PCM1: variants seen among roughly 807,000 people sequenced by gnomAD.
PCM1 encodes the protein pericentriolar material 1 protein.
Under a neutral mutation model 241.9 loss-of-function variants are expected in PCM1, and 157 were observed. That is an observed-to-expected ratio of 0.65 (90% CI 0.57 to 0.74). PCM1 has a LOEUF of 0.74. Ranked by LOEUF, PCM1 falls within the 30% of genes least tolerant of loss-of-function variation. PCM1 has a pLI of 0.00. For missense variants in PCM1, 3,478 were observed against 2,360.1 expected (o/e 1.47, Z -9.81); for synonymous variants, 1,085 against 784.9 (o/e 1.38, Z -6.39).
At chr8:18,013,148 C>T (rs1042058402) in intron 34 of PCM1, among the ~76,000 whole-genome samples, 14 of 152,182 alleles carry the variant, frequency 9.2e-5, no homozygotes, top group African/African-American at 3.4e-4. Context: ...TAGGGTCCTT[C>T]ACTGTCGTCC....
intron 6 of PCM1, among the ~76,000 whole-genome samples, chr8:17,943,577 T>G (rs2062860436): frequency 6.6e-6 from 1 of 152,194 alleles, no homozygotes; most frequent in African/African-American, 2.4e-5. Context: ...TGTTTTTAGG[T>G]TTCTTTGAAT....
At position 17,935,489 on chromosome 8, in the gene PCM1, T is replaced by C. The variant is rs533330275; in HGVS notation, c.-22-100T>C. On this transcript the variant is annotated intron_variant, in intron 2 of 38. Transcript: ENST00000325083. ...AGTGCCTCATTTTAGTTCATAAAAA[T>C]CAGTGCTTCAAAGATTGTATTGCTA... The C allele has an allele frequency of 3.5e-4, 212 of 597,450 alleles. 2 individuals are homozygous for C. The South Asian group carries it at 4.4e-3, about 13-fold the overall frequency. The allele number at this position is 597,450 out of a possible 1,614,324, so 37.0% of individuals were successfully genotyped here.
chr8:17,959,716 C>T (rs1487583882), intron 13 of PCM1, among the ~76,000 whole-genome samples: 1 of 151,290 alleles, frequency 6.6e-6, no homozygotes, highest in Non-Finnish European at 1.5e-5. Flanking sequence ...TTCTCCACAC[C>T]CTTGATTGTG....
At chr8:17,998,876 C>G (rs1255093995) in intron 29 of PCM1, among the ~76,000 whole-genome samples, 1 of 152,176 alleles carries the variant, frequency 6.6e-6, no homozygotes, top group Non-Finnish European at 1.5e-5. Context: ...AACCACAAGA[C>G]AAAGTCCTTC....
chr8:17,933,612 G>A (rs769394237), intron 2 of PCM1, among the ~76,000 whole-genome samples: 1 of 151,932 alleles, frequency 6.6e-6, no homozygotes. Context: ...GTTTAATAGT[G>A]CTTCTTGACA....
chr8:18,011,502 C>T (rs941195278), intron 33 of PCM1, 136 bp downstream of exon 33: 1 of 1,049,158 alleles, frequency 9.5e-7, no homozygotes, highest in Non-Finnish European at 1.3e-6. Flanking sequence ...GTGACCCTGA[C>T]TAAATTATCT....
At chr8:17,999,165 A>G (rs1289346568) in intron 29 of PCM1, among the ~76,000 whole-genome samples, 3 of 151,996 alleles carry the variant, frequency 2.0e-5, no homozygotes, top group Non-Finnish European at 4.4e-5. Context: ...TCTGGTACTT[A>G]AGGTGCAAGA....
At chr8:18,011,212 A>G in intron 32 of PCM1, 25 bp from the exon 33 acceptor site, 1 of 1,551,404 alleles carries the variant, frequency 6.4e-7, no homozygotes, top group East Asian at 2.3e-5. Context: ...TAAGGAATTA[A>G]TTACTCAAAT....
chr8:17,951,990 A>G (rs768905811), intron 8 of PCM1, among the ~76,000 whole-genome samples: 4 of 152,142 alleles, frequency 2.6e-5, no homozygotes, highest in East Asian at 1.9e-4. Flanking sequence ...TGGGAGGCCG[A>G]GGCGGGTGGA....
chr8:18,022,114 G>A lies in PCM1; in HGVS notation c.5842-3247G>A, dbSNP rs533796873. Among the ~76,000 whole-genome samples the A allele has an allele frequency of 3.9e-5, 6 of 152,190 alleles. No homozygotes were observed. In the East Asian group the frequency reaches 1.2e-3, roughly 29 times the overall value. On this transcript the variant is annotated intron_variant, in intron 36 of 38. Coordinates refer to ENST00000325083, the MANE Select transcript of PCM1 (RefSeq NM_006197.4). Reference sequence around the variant, plus strand: ...CTACTCACAATGCAGCAAAACTTCAGGGTTTTCAGCCTTGGGTCCATCTAT... The same window carrying A: ...CTACTCACAATGCAGCAAAACTTCAAGGTTTTCAGCCTTGGGTCCATCTAT...
intron 31 of PCM1, 99 bp downstream of exon 31, chr8:18,009,843 A>G: frequency 1.5e-6 from 1 of 680,292 alleles, no homozygotes; most frequent in Non-Finnish European, 2.2e-6. Context: ...CAGCAAAAGT[A>G]GTTGTTTTTA....
chr8:17,957,196 C>G (rs866205009), intron 11 of PCM1, 68 bp from the exon 12 acceptor site: 13 of 1,322,844 alleles, frequency 9.8e-6, no homozygotes, highest in Middle Eastern at 4.3e-4. Context: ...ATTAGCAGTT[C>G]TAAACTTGGA....
chr8:18,026,207 A>G (rs2094195259), intron 38 of PCM1, among the ~76,000 whole-genome samples: 1 of 145,116 alleles, frequency 6.9e-6, no homozygotes, highest in Admixed American at 6.9e-5. Context: ...AAAAATGTAG[A>G]CATGCCCATG....
intron 13 of PCM1, 128 bp from the exon 14 acceptor site, chr8:17,959,886 C>A: frequency 1.2e-6 from 1 of 808,548 alleles, no homozygotes; most frequent in Non-Finnish European, 1.9e-6. Context: ...CACATGTATA[C>A]AAACGTGCTT....
chr8:17,983,621 A>G (rs2081666762), intron 24 of PCM1, among the ~76,000 whole-genome samples: 1 of 152,152 alleles, frequency 6.6e-6, no homozygotes, highest in African/African-American at 2.4e-5. Context: ...ACCTAGAAAT[A>G]TAGTTACTTT....
chr8:18,026,097 G>C (rs1443633240), intron 38 of PCM1, among the ~76,000 whole-genome samples: 3 of 141,698 alleles, frequency 2.1e-5, no homozygotes, highest in African/African-American at 7.8e-5. Context: ...CCAGGAGGTG[G>C]GGCTTGCGGT....
chr8:17,960,447 A>G lies in PCM1; in HGVS notation c.2322+3A>G. 1 of 1,573,928 alleles carries G rather than the reference A, an allele frequency of 6.4e-7. No individual in the cohort carries two copies. The highest frequency in any genetic ancestry group is 8.6e-7 in the Non-Finnish European group (1 of 1,166,062). On this transcript the variant is annotated splice_donor_region_variant and intron_variant, in intron 15 of 38. Transcript: ENST00000325083. ...AAACGGCATGCCCTGACTTACAGGT[A>G]ATTATGAAATTTATTTCTAATTGTC...
intron 30 of PCM1, among the ~76,000 whole-genome samples, chr8:18,009,208 C>T (rs2092059213): frequency 6.6e-6 from 1 of 152,158 alleles, no homozygotes; most frequent in South Asian, 2.1e-4. Context: ...TTTCATAGCA[C>T]TTAGTATTTA....
chr8:17,972,499 A>G lies in PCM1; in HGVS notation c.3755A>G (p.Gln1252Arg). 2 of 1,613,928 alleles carry G rather than the reference A, an allele frequency of 1.2e-6. No homozygotes were observed. The highest frequency in any genetic ancestry group is 2.7e-5 in the African/African-American group (2 of 75,062). The change falls in exon 23 of 39, where the codon CAG (glutamine) becomes CGG (arginine). Residue 1252 changes from glutamine (Q) to arginine (R), a missense_variant. By Grantham distance (43) the Gln-to-Arg change is conservative. Transcript: ENST00000325083. Reference sequence around the variant, plus strand: ...TTAGATACAAACGGAAGAAGACGCCAGTTTGATGAAGAATCACTGGAAAGC... The same window carrying G: ...TTAGATACAAACGGAAGAAGACGCCGGTTTGATGAAGAATCACTGGAAAGC... ...NQLDTNGRRR[Q>R]FDEESLESFS... is the part of the protein sequence containing the mutation.
Sources: gnomAD v4.1 joint callset for allele counts (sites outside exome capture counted in the v4.1 genomes callset) on GRCh38, gnomAD v4.1.1 for gene constraint, MANE v1.5 for transcripts, NCBI Gene and HGNC (gene_info 2026-07-23, HGNC 2026-07-21) for gene names.